The following RGMA variants were observed in gnomAD, a reference collection of about 807,000 sequenced individuals.
RGMA encodes the protein repulsive guidance molecule A.
In RGMA, 10 loss-of-function variants were observed where a neutral mutation model predicts 23.2. The observed-to-expected ratio is 0.43, with a 90% CI of 0.27 to 0.73. The LOEUF is 0.73. Ranked by LOEUF, RGMA falls within the 30% of genes least tolerant of loss-of-function variation. The probability of loss-of-function intolerance (pLI) is 0.20; values close to 1 mark genes in which losing one functional copy is unlikely to be tolerated. For synonymous variants in RGMA, 308 were observed against 279.3 expected (o/e 1.10, Z -1.03); for missense variants, 547 against 630.5 (o/e 0.87, Z 1.42).
chr15:93,049,027 C>CT (rs1384123713), intron 3 of RGMA, among the ~76,000 whole-genome samples: 5 of 152,242 alleles, frequency 3.3e-5, no homozygotes, highest in African/African-American at 1.2e-4. Context: ...GGCTGCTTGA[C>CT]TCTTCTTGGC....
chr15:93,044,025 GAGAGTCCT>G lies in RGMA; in HGVS notation c.*965_*972del, dbSNP rs2054770089. On this transcript the variant is annotated 3_prime_UTR_variant, in exon 4 of 4. Transcript: ENST00000329082. ...GACCCTGCCAGGGATGCTCAGAGCT[GAGAGTCCT>G]AAGACCCTGCTCCTCTCCCCAGACT... is the stretch of plus-strand genomic sequence containing the variant. 6.6e-6 allele frequency: 1 copy of G among 152,368 alleles called. No homozygotes were observed. Among genetic ancestry groups the G allele is most frequent in the Non-Finnish European group, 1.5e-5 (1 of 68,156 alleles). The allele number at this position is 152,368 out of a possible 1,614,324, so 9.4% of individuals were successfully genotyped here. A position where few individuals can be genotyped will look rare whatever the true frequency, so the allele number is the denominator to read the frequency against.
rs558199551 is a variant in RGMA at position 93,038,375 on chromosome 15, A to G, written c.*6623T>C. On this transcript the variant is annotated 3_prime_UTR_variant, in exon 4 of 4. Coordinates refer to ENST00000329082, the MANE Select transcript of RGMA (RefSeq NM_020211.3). ...ACCATACCTGAGATTTGCACACAGG[A>G]AAGTGCAGTCCCTGCCCTTGTGTGT... 5 of 152,254 alleles carry G rather than the reference A, an allele frequency of 3.3e-5. No individual in the cohort carries two copies. The highest frequency in any genetic ancestry group is 9.6e-5 in the African/African-American group (4 of 41,562). The allele number at this position is 152,254 out of a possible 1,614,324, so 9.4% of individuals were successfully genotyped here.
intron 2 of RGMA, among the ~76,000 whole-genome samples, chr15:93,064,104 G>A (rs919064582): frequency 4.6e-5 from 7 of 152,076 alleles, no homozygotes; most frequent in South Asian, 2.1e-4. Flanking sequence ...GGCAGACCAC[G>A]GGCAAGTAGG....
At position 93,037,886 on chromosome 15, in the gene RGMA, G is replaced by C. The variant is rs1205487543; in HGVS notation, c.*7112C>G. On this transcript the variant is annotated 3_prime_UTR_variant, in exon 4 of 4. Transcript: ENST00000329082. This position sits in a 1 kb window ranked among gnomAD's most constrained non-coding sequence, Gnocchi z 4.3. Reference sequence around the variant, plus strand: ...GGGCGACATGAATGTTTTCGCCTTGGGATCTGGGCTGCCTGGGATCACAGC... The same window carrying C: ...GGGCGACATGAATGTTTTCGCCTTGCGATCTGGGCTGCCTGGGATCACAGC... The C allele has an allele frequency of 6.6e-6, 1 of 152,228 alleles. No homozygotes were observed. The highest frequency in any genetic ancestry group is 1.5e-5 in the Non-Finnish European group (1 of 68,074). The allele number at this position is 152,228 out of a possible 1,614,324, so 9.4% of individuals were successfully genotyped here. A position where few individuals can be genotyped will look rare whatever the true frequency, so the allele number is the denominator to read the frequency against.
intron 3 of RGMA, among the ~76,000 whole-genome samples, chr15:93,046,855 G>A (rs1221257357): frequency 3.3e-5 from 5 of 150,890 alleles, no homozygotes; most frequent in Middle Eastern, 3.4e-3. Context: ...CCTGTGGCCA[G>A]GGGTGAGGGG....
chr15:93,044,922 A>G lies in RGMA; in HGVS notation c.*76T>C, dbSNP rs2054790008. On this transcript the variant is annotated 3_prime_UTR_variant, in exon 4 of 4. Coordinates refer to ENST00000329082, the MANE Select transcript of RGMA (RefSeq NM_020211.3). ...ATGGTGGACACGCCAGGAGATCTGC[A>G]CCCCGTGGGCGGTCCCAGCCCACAC... is the stretch of plus-strand genomic sequence containing the variant. The G allele has an allele frequency of 5.6e-6, 7 of 1,250,644 alleles. No homozygotes were observed. The South Asian group carries it at 1.0e-4, about 18-fold the overall frequency. 77.5% of individuals were successfully genotyped at this position (1,250,644 alleles called of 1,614,324 possible).
chr15:93,051,039 G>C (rs921012836), intron 3 of RGMA, among the ~76,000 whole-genome samples: 9 of 152,198 alleles, frequency 5.9e-5, no homozygotes, highest in African/African-American at 1.9e-4. Flanking sequence ...TCTCCATTAG[G>C]TGTCATGTTG....
chr15:93,066,265 G>T (rs1433588016), intron 2 of RGMA: 1 of 1,120,730 alleles, frequency 8.9e-7, no homozygotes, highest in Non-Finnish European at 1.4e-6. Flanking sequence ...GCTGTCTGGT[G>T]AACAAAGACA....
At chr15:93,056,605 C>G (rs1385378544) in intron 2 of RGMA, among the ~76,000 whole-genome samples, 5 of 152,166 alleles carry the variant, frequency 3.3e-5, no homozygotes, top group African/African-American at 1.2e-4. Flanking sequence ...CCCGACTCCT[C>G]TGTAGGCTTC....
chr15:93,072,009 G>A (rs1057103931), intron 2 of RGMA, among the ~76,000 whole-genome samples: 11 of 152,192 alleles, frequency 7.2e-5, no homozygotes, highest in African/African-American at 2.7e-4. Flanking sequence ...CTTAACTGGC[G>A]TTTTCTGGCT....
chr15:93,073,200 T>C, intron 1 of RGMA, 169 bp from the exon 2 acceptor site: 3 of 1,215,452 alleles, frequency 2.5e-6, no homozygotes, highest in Non-Finnish European at 3.1e-6. Flanking sequence ...TCCCTCGCCA[T>C]CCATCACTCG....
At chr15:93,053,185 G>A (rs977612601) in intron 2 of RGMA, among the ~76,000 whole-genome samples, 1 of 152,194 alleles carries the variant, frequency 6.6e-6, no homozygotes, top group Non-Finnish European at 1.5e-5. Context: ...AAGCTGAGAA[G>A]CAACTGAGAG....
chr15:93,073,342 G>A (rs1029448943), intron 1 of RGMA, among the ~76,000 whole-genome samples: 2 of 151,914 alleles, frequency 1.3e-5, no homozygotes, highest in African/African-American at 4.8e-5. Context: ...CGGCCGCAGC[G>A]CTCGCCGTGA....
chr15:93,073,031 C>T lies in RGMA; in HGVS notation c.15G>A (p.Arg5=). Residue 5 remains arginine, a splice_region_variant and synonymous_variant, in exon 2 of 4, where the codon AGG becomes AGA. Coordinates refer to ENST00000329082, the MANE Select transcript of RGMA (RefSeq NM_020211.3). ...CTCGGCCTGTTACCACTAGCCTCTC[C>T]CTGGAAGAAGAGTTCAGAAAAAAAG... The part of the protein sequence containing the change: MQPP[R]ERLVVTGRAG... The T allele has an allele frequency of 6.3e-7, 1 of 1,591,268 alleles. No homozygotes were observed. Among genetic ancestry groups the T allele is most frequent in the Non-Finnish European group, 8.5e-7 (1 of 1,170,216 alleles).
chr15:93,059,220 G>A (rs1188262904), intron 2 of RGMA, among the ~76,000 whole-genome samples: 1 of 152,152 alleles, frequency 6.6e-6, no homozygotes, highest in African/African-American at 2.4e-5. Flanking sequence ...GCTCCCCCAA[G>A]GCCCAAAAGC....
rs2054815973 is a variant in RGMA, at chr15:93,045,766, C to T, written c.646-61G>A. 3.3e-6 allele frequency: 4 copies of T among 1,216,564 alleles called. No homozygotes were observed. The highest frequency in any genetic ancestry group is 2.6e-5 in the South Asian group (2 of 78,426). The allele number at this position is 1,216,564 out of a possible 1,614,324, so 75.4% of individuals were successfully genotyped here. The stretch of plus-strand genomic sequence containing the variant: ...CACAGTGGGAGGAGGCACAGCCCCA[C>T]ACTTAAGATGCTCTAGACTGAGAGG... On this transcript the variant is annotated intron_variant, in intron 3 of 3. Coordinates refer to ENST00000329082, the MANE Select transcript of RGMA (RefSeq NM_020211.3). This position sits in a 1 kb window ranked among gnomAD's most constrained non-coding sequence, Gnocchi z 6.9.
Position 93,073,001 on chromosome 15 carries a change from T to A in RGMA, c.45A>T (p.Gly15=). Residue 15 remains glycine (G), a synonymous_variant, in exon 2 of 4, where the codon GGA becomes GGT. Transcript: ENST00000329082. ...RERLVVTGRA[G]WMGMGRGAGR... ...CTGCCCCTCTCCCCATACCCATCCA[T>A]CCAGCTCGGCCTGTTACCACTAGCC... 6.2e-7 allele frequency: 1 copy of A among 1,610,812 alleles called. No individual in the cohort carries two copies. The highest frequency in any genetic ancestry group is 8.5e-7 in the Non-Finnish European group (1 of 1,178,782).
In RGMA at chr15:93,038,591, G is replaced by C. The variant is rs1447956931; in HGVS notation, c.*6407C>G. Reference sequence around the variant, plus strand: ...GTTGTTTTTTTTTTTTTTTTGAGACGGTGTCTTGCTCTGTCGCCCAGGCTG... The same window carrying C: ...GTTGTTTTTTTTTTTTTTTTGAGACCGTGTCTTGCTCTGTCGCCCAGGCTG... On this transcript the variant is annotated 3_prime_UTR_variant, in exon 4 of 4. Coordinates refer to ENST00000329082, the MANE Select transcript of RGMA (RefSeq NM_020211.3). 1.7e-5 allele frequency: 1 copy of C among 57,942 alleles called. No individual in the cohort carries two copies. Among genetic ancestry groups the C allele is most frequent in the Non-Finnish European group, 4.9e-5 (1 of 20,576 alleles). The allele number at this position is 57,942 out of a possible 1,614,324, so 3.6% of individuals were successfully genotyped here.
intron 2 of RGMA, among the ~76,000 whole-genome samples, chr15:93,065,232 G>A (rs1252176732): frequency 2.0e-5 from 3 of 152,004 alleles, no homozygotes; most frequent in Non-Finnish European, 4.4e-5. Flanking sequence ...ATGATAAAAT[G>A]GCTTCAGAGG....
Sources: gnomAD v4.1 joint callset for allele counts (sites outside exome capture counted in the v4.1 genomes callset) on GRCh38, gnomAD v4.1.1 for gene constraint, Gnocchi (gnomAD v3.1) non-coding constraint, MANE v1.5 for transcripts, NCBI Gene and HGNC (gene_info 2026-07-23, HGNC 2026-07-21) for gene names.